Variants in VPS35L observed in about 807,000 individuals in gnomAD.
The protein encoded by VPS35L is VPS35 endosomal protein sorting factor like, also known as VPS35 endosomal protein-sorting factor-like.
In VPS35L, 83 loss-of-function variants were observed where a neutral mutation model predicts 133.0. The observed-to-expected ratio is 0.62, with a 90% confidence interval of 0.52 to 0.75. The LOEUF (loss-of-function observed/expected upper bound fraction) is 0.75. Among genes scored for constraint, VPS35L ranks in the 30% least tolerant of loss-of-function variants. The pLI, the probability that VPS35L is intolerant of heterozygous loss-of-function variation, is 0.00. For missense variants in VPS35L, 1,083 were observed against 1,206.8 expected (o/e 0.90, Z 1.52); for synonymous variants, 423 against 449.9 (o/e 0.94, Z 0.76).
chr16:19,670,150 G>C (rs979032266), intron 27 of VPS35L, among the ~76,000 whole-genome samples: 37 of 152,310 alleles, frequency 2.4e-4, no homozygotes, highest in African/African-American at 8.7e-4. Context: ...GAAAGAAAAA[G>C]CAAGGGCAAG....
At chr16:19,580,916 G>A (rs72767555) in intron 6 of VPS35L, among the ~76,000 whole-genome samples, 4,245 of 152,186 alleles carry the variant, frequency 0.028, 81 homozygotes, top group Non-Finnish European at 0.042. Context: ...TCAGTGATCA[G>A]CATATTTTTC....
At chr16:19,679,283 A>G (rs1423955068) in intron 27 of VPS35L, among the ~76,000 whole-genome samples, 2 of 151,830 alleles carry the variant, frequency 1.3e-5, no homozygotes, top group African/African-American at 4.8e-5. Flanking sequence ...CATTCTTGCC[A>G]GTATCATAAG....
At chr16:19,617,185 A>G (rs1426150004) in intron 14 of VPS35L, 8 of 522,422 alleles carry the variant, frequency 1.5e-5, no homozygotes, top group Non-Finnish European at 2.7e-5. Context: ...GCAAAACTCC[A>G]TCTCTACAAA....
chr16:19,568,487 AG>A (rs1971259662), intron 2 of VPS35L, among the ~76,000 whole-genome samples: 1 of 151,960 alleles, frequency 6.6e-6, no homozygotes, highest in African/African-American at 2.4e-5. Flanking sequence ...ACCTTCCCGA[AG>A]GATGGGGAAT....
At chr16:19,656,820 A>G (rs1032516582) in intron 26 of VPS35L, among the ~76,000 whole-genome samples, 1 of 152,110 alleles carries the variant, frequency 6.6e-6, no homozygotes, top group African/African-American at 2.4e-5. Flanking sequence ...ATTATTTTTC[A>G]TATGCAAAGC....
intron 4 of VPS35L, among the ~76,000 whole-genome samples, chr16:19,574,867 A>C (rs887784300): frequency 6.6e-6 from 1 of 152,210 alleles, no homozygotes; most frequent in Non-Finnish European, 1.5e-5. Context: ...TAGGTTAAAA[A>C]TAGTTCTATT....
At chr16:19,572,305 C>T (rs372927271) in intron 3 of VPS35L, among the ~76,000 whole-genome samples, 56 of 152,284 alleles carry the variant, frequency 3.7e-4, no homozygotes, top group African/African-American at 1.3e-3. Context: ...GTAATCCCAG[C>T]TACTCGGGAG....
At chr16:19,555,796 T>A (rs1970833513) in intron 1 of VPS35L, 50 bp downstream of exon 1, 1 of 1,532,530 alleles carries the variant, frequency 6.5e-7, no homozygotes, top group African/African-American at 1.4e-5. Context: ...TCCTTACTTG[T>A]GATGGGGTCG....
At chr16:19,557,779 G>T (rs1048626125) in intron 1 of VPS35L, among the ~76,000 whole-genome samples, 3 of 151,986 alleles carry the variant, frequency 2.0e-5, no homozygotes, top group African/African-American at 7.3e-5. Context: ...GGCTGGGCGC[G>T]GTCACTCATG....
chr16:19,682,091 G>C (rs763175836), intron 27 of VPS35L, 134 bp from the exon 28 acceptor site: 6 of 979,568 alleles, frequency 6.1e-6, no homozygotes, highest in Non-Finnish European at 9.2e-6. Context: ...AGTGGGTCTT[G>C]CCTTTGTTCA....
In VPS35L at chr16:19,610,395, G is replaced by A; in HGVS notation, c.1003G>A (p.Ala335Thr). The change falls in exon 12 of 31, where the codon GCC (alanine) becomes ACC (threonine). Residue 335 changes from alanine to threonine, a missense_variant. By Grantham distance (58) the Ala-to-Thr change is moderately conservative. Transcript: ENST00000417362. Reference protein sequence around the residue: ...GIGDPLVSVYARAYLCRVGME... With the variant: ...GIGDPLVSVYTRAYLCRVGME... ...CGGAGACCCACTAGTGTCGGTGTATGCCCGTGCCTACCTGTGCCGGGTAGG... is the reference window on the plus strand; with the variant it reads ...CGGAGACCCACTAGTGTCGGTGTATACCCGTGCCTACCTGTGCCGGGTAGG... 1 of 1,613,992 alleles carries A rather than the reference G, an allele frequency of 6.2e-7. No individual in the cohort carries two copies. Among genetic ancestry groups the A allele is most frequent in the Non-Finnish European group, 8.5e-7 (1 of 1,179,976 alleles).
chr16:19,567,149 A>G (rs1024959858), intron 2 of VPS35L, among the ~76,000 whole-genome samples: 1 of 152,222 alleles, frequency 6.6e-6, no homozygotes, highest in Non-Finnish European at 1.5e-5. Flanking sequence ...CACTATGTGC[A>G]GAGAAACCTT....
intron 4 of VPS35L, among the ~76,000 whole-genome samples, chr16:19,574,850 T>G (rs996067440): frequency 3.9e-5 from 6 of 152,158 alleles, no homozygotes; most frequent in Admixed American, 6.5e-5. Context: ...TAAACCCTGA[T>G]TCAGAGTAGG....
chr16:19,659,210 C>T (rs554424771), intron 26 of VPS35L, among the ~76,000 whole-genome samples: 3 of 152,232 alleles, frequency 2.0e-5, no homozygotes, highest in East Asian at 3.9e-4. Context: ...AGAGACAATA[C>T]GCAACCTCAA....
chr16:19,698,501 C>T (rs975989005), intron 29 of VPS35L, among the ~76,000 whole-genome samples: 2 of 152,166 alleles, frequency 1.3e-5, no homozygotes, highest in African/African-American at 4.8e-5. Context: ...ACAGCAGCAC[C>T]GGGATTCATG....
chr16:19,580,667 G>T (rs1035417620), intron 6 of VPS35L, among the ~76,000 whole-genome samples: 6 of 152,028 alleles, frequency 3.9e-5, no homozygotes, highest in Non-Finnish European at 8.8e-5. Flanking sequence ...TGCTATGGTT[G>T]TCTTTCTGTC....
chr16:19,625,807 G>A (rs1044676692), intron 14 of VPS35L, among the ~76,000 whole-genome samples: 3 of 152,082 alleles, frequency 2.0e-5, no homozygotes, highest in African/African-American at 4.8e-5. Flanking sequence ...CTGAGTAGCT[G>A]GGATTACAGG....
chr16:19,595,281 C>T (rs1972175583), intron 8 of VPS35L, among the ~76,000 whole-genome samples: 1 of 152,010 alleles, frequency 6.6e-6, no homozygotes, highest in Non-Finnish European at 1.5e-5. Context: ...CCTGTGGCAG[C>T]ACTTGCGGTG....
intron 8 of VPS35L, among the ~76,000 whole-genome samples, chr16:19,597,670 G>A (rs1972259773): frequency 6.6e-6 from 1 of 152,188 alleles, no homozygotes; most frequent in African/African-American, 2.4e-5. Context: ...ACTTCAGAAT[G>A]GTGTTCCCAC....
Sources: allele counts gnomAD v4.1 joint callset (sites outside exome capture counted in the v4.1 genomes callset), GRCh38; gene constraint gnomAD v4.1.1; transcripts MANE v1.5; gene names NCBI Gene and HGNC (gene_info 2026-07-23, HGNC 2026-07-21).